ASTN1: variants seen among roughly 807,000 people sequenced by gnomAD.
The protein encoded by ASTN1 is astrotactin-1.
Under a neutral mutation model 140.7 loss-of-function variants are expected in ASTN1, and 41 were observed. The ratio of observed to expected loss-of-function variants is 0.29; its 90% CI spans 0.23 to 0.38. ASTN1 has a LOEUF of 0.38. Among genes scored for constraint, ASTN1 ranks in the 10% least tolerant of loss-of-function variants. The pLI is 1.00. For synonymous variants in ASTN1, 640 were observed against 652.2 expected (o/e 0.98, Z 0.29); for missense variants, 1,479 against 1,678.8 (o/e 0.88, Z 2.08).
chr1:177,087,289 A>G (rs1034036111), intron 1 of ASTN1, among the ~76,000 whole-genome samples: 9 of 152,206 alleles, frequency 5.9e-5, no homozygotes, highest in Non-Finnish European at 1.2e-4. Flanking sequence ...TTTCCTGGCC[A>G]TGCCTAAACA....
intron 8 of ASTN1, among the ~76,000 whole-genome samples, chr1:176,990,318 C>T (rs1674099748): frequency 6.6e-6 from 1 of 151,830 alleles, no homozygotes; most frequent in South Asian, 2.1e-4. Flanking sequence ...AAATGCTGTC[C>T]TTGTAACTTT....
chr1:176,989,707 G>A (rs559783487), intron 8 of ASTN1, among the ~76,000 whole-genome samples: 41 of 152,272 alleles, frequency 2.7e-4, no homozygotes, highest in Middle Eastern at 3.4e-3. Flanking sequence ...GGGTCCGGCA[G>A]GGCCATGACA....
chr1:177,043,456 C>T (rs1166344964), intron 2 of ASTN1, among the ~76,000 whole-genome samples: 3 of 152,176 alleles, frequency 2.0e-5, no homozygotes, highest in African/African-American at 7.2e-5. Context: ...TGACAACGGC[C>T]ATTCCCAGTG....
At chr1:177,101,458 A>G (rs1680295557) in intron 1 of ASTN1, among the ~76,000 whole-genome samples, 1 of 152,200 alleles carries the variant, frequency 6.6e-6, no homozygotes, top group African/African-American at 2.4e-5. Context: ...CATGCCCACA[A>G]AAAGTTTGCT....
intron 19 of ASTN1, among the ~76,000 whole-genome samples, chr1:176,883,588 G>C (rs934582250): frequency 6.6e-6 from 1 of 152,176 alleles, no homozygotes. Context: ...TGCGCATCAG[G>C]CAAAGGGCCT....
Position 176,888,060 on chromosome 1 carries a change from G to A in ASTN1, c.3074+11C>T. 2 of 1,613,996 alleles carry A rather than the reference G, an allele frequency of 1.2e-6. No individual in the cohort carries two copies. Among genetic ancestry groups the A allele is most frequent in the Non-Finnish European group, 1.7e-6 (2 of 1,179,998 alleles). ...CCAGAGTAATGCTGAAAGAGAGAAA[G>A]AGAACCATACACAGGCTGTGGGAGA... On this transcript the variant is annotated intron_variant, in intron 18 of 22. Transcript: ENST00000361833.
intron 16 of ASTN1, among the ~76,000 whole-genome samples, chr1:176,924,781 T>C (rs527383388): frequency 1.3e-5 from 2 of 152,338 alleles, no homozygotes; most frequent in East Asian, 1.9e-4. Flanking sequence ...AATATGTTAC[T>C]ATTGTCAGGC....
chr1:177,160,544 G>A (rs1253028989), intron 1 of ASTN1, among the ~76,000 whole-genome samples: 1 of 152,112 alleles, frequency 6.6e-6, no homozygotes, highest in African/African-American at 2.4e-5. Context: ...GAAATAGAAG[G>A]GTTTCTCCTT....
intron 1 of ASTN1, among the ~76,000 whole-genome samples, chr1:177,131,929 G>A (rs1404656758): frequency 1.3e-5 from 2 of 152,102 alleles, no homozygotes; most frequent in South Asian, 2.1e-4. Context: ...CTAATAAGGT[G>A]AGAACTCACT....
intron 16 of ASTN1, among the ~76,000 whole-genome samples, chr1:176,908,266 C>G (rs565468716): frequency 6.6e-6 from 1 of 152,274 alleles, no homozygotes; most frequent in East Asian, 1.9e-4. Context: ...ACAGACCTGG[C>G]CCTGCTCAGC....
intron 1 of ASTN1, among the ~76,000 whole-genome samples, chr1:177,154,574 A>C (rs1683165376): frequency 6.6e-6 from 1 of 152,186 alleles, no homozygotes; most frequent in Admixed American, 6.5e-5. Context: ...TGCTGAGTGA[A>C]AAGAGTAAGT....
Position 176,876,593 on chromosome 1 carries a change from G to A in ASTN1, c.3407C>T (p.Pro1136Leu). The A allele has an allele frequency of 6.2e-7, 1 of 1,614,132 alleles. No individual in the cohort carries two copies. Among genetic ancestry groups the A allele is most frequent in the Non-Finnish European group, 8.5e-7 (1 of 1,180,014 alleles). ...TGGGGTCTTCACGATCACGTCGCTT[G>A]GCCTGGAGCGCCGTCCTGTGTTGTC... Reference protein sequence around the residue: ...GVDNTGRRSRPSDVIVKTPCP... With the variant: ...GVDNTGRRSRLSDVIVKTPCP... Residue 1136 changes from proline to leucine, a missense_variant, in exon 21 of 23, where the codon CCA (proline) becomes CTA (leucine). Pro to Leu is a moderately conservative substitution (Grantham distance 98). Around this residue, in one of 3 missense-constraint regions of ASTN1, gnomAD observed 746 missense variants for 800.9 expected, o/e 0.93. Coordinates refer to ENST00000361833, the MANE Select transcript of ASTN1 (RefSeq NM_004319.3).
intron 1 of ASTN1, among the ~76,000 whole-genome samples, chr1:177,152,058 G>A (rs1683061372): frequency 6.6e-6 from 1 of 152,114 alleles, no homozygotes; most frequent in Non-Finnish European, 1.5e-5. Context: ...CAAGGTACAG[G>A]ATGAGACTAT....
rs372663903 is a variant in ASTN1 at position 176,965,221 on chromosome 1, T to C, written c.1540A>G (p.Ile514Val). 8.2e-5 allele frequency: 133 copies of C among 1,613,984 alleles called. 3 individuals carry two copies. The South Asian group carries it at 1.3e-3, about 16-fold the overall frequency. Residue 514 changes from isoleucine (I) to valine (V), a missense_variant, in exon 9 of 23, where the codon ATA becomes GTA. Ile to Val is a conservative substitution (Grantham distance 29, BLOSUM62 3). Transcript: ENST00000361833. ...ACCAGGTCAAAGCCTCGCTGAAATA[T>C]TGTGTAAGGCCATGGCCTAAAAGAA... ...GTNQGPWPYT[I>V]FQRGFDLVLG...
chr1:177,163,733 C>T (rs369028491), intron 1 of ASTN1, among the ~76,000 whole-genome samples: 1 of 152,108 alleles, frequency 6.6e-6, no homozygotes, highest in Non-Finnish European at 1.5e-5. Context: ...CCAACTGTGA[C>T]GTGACATGGA....
At chr1:176,874,013 T>C (rs1462792229) in intron 21 of ASTN1, among the ~76,000 whole-genome samples, 1 of 152,100 alleles carries the variant, frequency 6.6e-6, no homozygotes, top group Non-Finnish European at 1.5e-5. Flanking sequence ...TCATGCTGCA[T>C]CCCCTCCACC....
At chr1:176,946,602 T>C (rs563804209) in intron 12 of ASTN1, among the ~76,000 whole-genome samples, 26 of 152,320 alleles carry the variant, frequency 1.7e-4, no homozygotes, top group African/African-American at 6.3e-4. Flanking sequence ...CTGTGATAAG[T>C]CAACTAAGAA....
chr1:177,142,261 C>CA lies in ASTN1; in HGVS notation c.283+22132dup, dbSNP rs1269439463. On this transcript the variant is annotated intron_variant, in intron 1 of 22. Transcript: ENST00000361833. ...GGTGGTCAGCATGTGGCTCAGTGGTCAAATTGCTGTTGTTTTTTTTTTTAA... is the reference window on the plus strand; with the variant it reads ...GGTGGTCAGCATGTGGCTCAGTGGTCAAAATTGCTGTTGTTTTTTTTTTTAA... 2.0e-5 allele frequency among the ~76,000 whole-genome samples: 3 copies of CA among 151,234 alleles called. No individual in the cohort carries two copies. In the East Asian group the frequency reaches 5.8e-4, roughly 29 times the overall value.
At chr1:177,013,411 T>A (rs1675389334) in intron 8 of ASTN1, among the ~76,000 whole-genome samples, 1 of 152,208 alleles carries the variant, frequency 6.6e-6, no homozygotes, top group Non-Finnish European at 1.5e-5. Flanking sequence ...CTTGACTTAG[T>A]CATCAGCTGG....
Sources: allele counts gnomAD v4.1 joint callset (sites outside exome capture counted in the v4.1 genomes callset), GRCh38; gene constraint gnomAD v4.1.1; regional missense constraint gnomAD v4.1.1; transcripts MANE v1.5; gene names NCBI Gene and HGNC (gene_info 2026-07-23, HGNC 2026-07-21).